SHQ1: variants seen among roughly 807,000 people sequenced by gnomAD.
SHQ1 encodes the protein SHQ1, H/ACA ribonucleoprotein assembly factor.
In SHQ1, 49 loss-of-function variants were observed where a neutral mutation model predicts 53.8. The observed-to-expected ratio is 0.91, with a 90% CI of 0.72 to 1.16. The LOEUF (loss-of-function observed/expected upper bound fraction) is 1.16. SHQ1 is among the 50% of genes most tolerant of loss of function. The pLI, the probability that SHQ1 is intolerant of heterozygous loss-of-function variation, is 0.00. For synonymous variants in SHQ1, 243 were observed against 251.0 expected (o/e 0.97, Z 0.30); for missense variants, 738 against 683.1 (o/e 1.08, Z -0.90).
At chr3:72,768,337 C>T (rs1705776031) in intron 10 of SHQ1, among the ~76,000 whole-genome samples, 2 of 152,168 alleles carry the variant, frequency 1.3e-5, no homozygotes, top group South Asian at 2.1e-4. Context: ...GATGGCAAGG[C>T]ACATTCAGAT....
In SHQ1 at chr3:72,848,220, A is replaced by T; in HGVS notation, c.121T>A (p.Tyr41Asn). ...VYFEGSDFKF[Y>N]AKPYFLRLTL... is the part of the protein sequence containing the mutation. ...CGCCTGAGAAAGTATGGCTTGGCGTAGAACTTGAAGTCAGACCCCTCGAAG... is the reference window on the plus strand; with the variant it reads ...CGCCTGAGAAAGTATGGCTTGGCGTTGAACTTGAAGTCAGACCCCTCGAAG... Residue 41 changes from tyrosine (Y) to asparagine (N), a missense_variant, in exon 1 of 11, where the codon TAC (tyrosine) becomes AAC (asparagine). Physicochemically the swap from Tyr to Asn is moderately radical, Grantham distance 143. Coordinates refer to ENST00000325599, the MANE Select transcript of SHQ1 (RefSeq NM_018130.3). 1 of 1,614,224 alleles carries T rather than the reference A, an allele frequency of 6.2e-7. No homozygotes were observed. Among genetic ancestry groups the T allele is most frequent in the African/African-American group, 1.3e-5 (1 of 75,060 alleles).
intron 10 of SHQ1, among the ~76,000 whole-genome samples, chr3:72,791,900 T>C (rs901641040): frequency 6.6e-6 from 1 of 152,250 alleles, no homozygotes; most frequent in Non-Finnish European, 1.5e-5. Context: ...AATGGAATTT[T>C]GTCATGTCTA....
At chr3:72,780,965 G>A (rs188196740) in intron 10 of SHQ1, among the ~76,000 whole-genome samples, 6 of 152,096 alleles carry the variant, frequency 3.9e-5, no homozygotes, top group East Asian at 3.9e-4. Context: ...CACTACACCC[G>A]GCTAATTTTG....
chr3:72,782,111 T>C (rs758076784), intron 10 of SHQ1, among the ~76,000 whole-genome samples: 13 of 152,186 alleles, frequency 8.5e-5, no homozygotes, highest in Non-Finnish European at 1.9e-4. Context: ...AATTTATCAC[T>C]TTAAGCTTAA....
At chr3:72,789,027 T>C (rs1024570335) in intron 10 of SHQ1, among the ~76,000 whole-genome samples, 116 of 148,198 alleles carry the variant, frequency 7.8e-4, no homozygotes, top group African/African-American at 2.9e-3. Flanking sequence ...TATTGTCCTA[T>C]GACCCTGCCA....
chr3:72,747,005 G>A (rs1489829039), downstream of SHQ1, among the ~76,000 whole-genome samples: 1 of 152,174 alleles, frequency 6.6e-6, no homozygotes, highest in African/African-American at 2.4e-5. Context: ...GAGTTCACAA[G>A]CATTTTAAGT....
At chr3:72,837,097 TG>T (rs1242943663) in intron 4 of SHQ1, among the ~76,000 whole-genome samples, 3 of 152,080 alleles carry the variant, frequency 2.0e-5, no homozygotes, top group East Asian at 3.9e-4. Context: ...ACTCTAGGAT[TG>T]TTGCTGCTGG....
chr3:72,737,662 T>C, the SHQ1 span, among the ~76,000 whole-genome samples: 3 of 152,176 alleles, frequency 2.0e-5, no homozygotes, highest in Admixed American at 2.0e-4. Flanking sequence ...TAATACCTAA[T>C]ACAATGTAAG....
At chr3:72,730,137 A>G in the SHQ1 span, among the ~76,000 whole-genome samples, 3 of 152,006 alleles carry the variant, frequency 2.0e-5, no homozygotes, top group Non-Finnish European at 2.9e-5. Flanking sequence ...ATTTTTTTAG[A>G]GACAGGGTCT....
At position 72,806,676 on chromosome 3, in the gene SHQ1, C is replaced by T. The variant is rs150490799; in HGVS notation, c.1060+5995G>A. Among the ~76,000 whole-genome samples the T allele has an allele frequency of 8.3e-4, 126 of 152,266 alleles. 3 individuals carry two copies. In the East Asian group the frequency reaches 0.022, roughly 26 times the overall value. ...TTTTCCATCATCTAATTCCAACAAA[C>T]ACATTTTCATAGCAGAAACTACACT... On this transcript the variant is annotated intron_variant, in intron 9 of 10. Coordinates refer to ENST00000325599, the MANE Select transcript of SHQ1 (RefSeq NM_018130.3).
At chr3:72,789,619 G>A (rs1277374586) in intron 10 of SHQ1, among the ~76,000 whole-genome samples, 2 of 152,138 alleles carry the variant, frequency 1.3e-5, no homozygotes, top group Non-Finnish European at 2.9e-5. Flanking sequence ...AATGAAAAAC[G>A]TTCCTTTAAT....
chr3:72,765,681 G>A (rs1452860325), intron 10 of SHQ1, among the ~76,000 whole-genome samples: 1 of 151,080 alleles, frequency 6.6e-6, no homozygotes, highest in African/African-American at 2.4e-5. Flanking sequence ...AGCCTCCTGA[G>A]TGGCTGGGAT....
intron 10 of SHQ1, among the ~76,000 whole-genome samples, chr3:72,766,832 T>C (rs1705741580): frequency 6.6e-6 from 1 of 152,210 alleles, no homozygotes; most frequent in South Asian, 2.1e-4. Flanking sequence ...GCTAGATAAC[T>C]GAGTCCAGGT....
chr3:72,793,030 C>A lies in SHQ1; in HGVS notation c.1067G>T (p.Ser356Ile), dbSNP rs1363925544. 6.2e-7 allele frequency: 1 copy of A among 1,601,510 alleles called. No individual in the cohort carries two copies. The highest frequency in any genetic ancestry group is 2.2e-5 in the East Asian group (1 of 44,784). The change falls in exon 10 of 11, where the codon AGT becomes ATT. Residue 356 changes from serine to isoleucine, a missense_variant. Coordinates refer to ENST00000325599, the MANE Select transcript of SHQ1 (RefSeq NM_018130.3). ...ATCCAGGAGACACTTTAAAACTGCA[C>A]TTTTACCTAAAGAAAATTGAAAAAA... ...DTIKILQLGKSAVLKCLLDIH... is the reference protein window; with the variant it reads ...DTIKILQLGKIAVLKCLLDIH...
At chr3:72,786,417 A>G (rs1706234204) in intron 10 of SHQ1, among the ~76,000 whole-genome samples, 1 of 151,894 alleles carries the variant, frequency 6.6e-6, no homozygotes, top group Admixed American at 6.6e-5. Flanking sequence ...CTCTACATGA[A>G]CCTCTAGCCT....
intron 1 of SHQ1, chr3:72,846,399 AT>A: frequency 8.4e-7 from 1 of 1,188,752 alleles, no homozygotes; most frequent in Non-Finnish European, 1.2e-6. Context: ...GGTTCAAGCG[AT>A]TCTCTCACCT....
At chr3:72,728,289 G>C in the SHQ1 span, among the ~76,000 whole-genome samples, 1 of 152,198 alleles carries the variant, frequency 6.6e-6, no homozygotes, top group Non-Finnish European at 1.5e-5. Flanking sequence ...GGCTTCAGGG[G>C]TGCAGAGCCT....
chr3:72,763,062 C>CTGAGAG (rs1553689147), intron 10 of SHQ1, among the ~76,000 whole-genome samples: 7 of 76,200 alleles, frequency 9.2e-5, no homozygotes, highest in African/African-American at 2.7e-4. Context: ...CACACACACA[C>CTGAGAG]AGAGAGAGAG....
chr3:72,844,617 A>G (rs544418791), intron 1 of SHQ1, among the ~76,000 whole-genome samples, 194 bp from the exon 2 acceptor site: 22 of 152,256 alleles, frequency 1.4e-4, no homozygotes, highest in Admixed American at 6.5e-5. Flanking sequence ...GAGATGACTC[A>G]TCTTTCTATT....
Sources: allele counts gnomAD v4.1 joint callset (sites outside exome capture counted in the v4.1 genomes callset), GRCh38; gene constraint gnomAD v4.1.1; transcripts MANE v1.5; gene names NCBI Gene and HGNC (gene_info 2026-07-23, HGNC 2026-07-21).